GYG1: variants seen among roughly 807,000 people sequenced by gnomAD.
GYG1 encodes glycogenin 1.
In GYG1, 44 loss-of-function variants were observed where a neutral mutation model predicts 41.9. The ratio of observed to expected loss-of-function variants is 1.05; its 90% CI spans 0.83 to 1.35. The LOEUF (loss-of-function observed/expected upper bound fraction) is 1.35. GYG1 is among the 40% of genes most tolerant of loss of function. GYG1 has a pLI of 0.00. For missense variants in GYG1, 429 were observed against 418.9 expected, an observed-to-expected ratio of 1.02 and a Z score of -0.21; for synonymous variants, 141 against 158.1, an observed-to-expected ratio of 0.89 and a Z score of 0.81.
chr3:149,026,670 C>A, intron 7 of GYG1, 90 bp from the exon 8 acceptor site: 2 of 1,103,206 alleles, frequency 1.8e-6, no homozygotes, highest in Non-Finnish European at 1.4e-6. Flanking sequence ...CATGATGATT[C>A]ATCCTGGCTT....
chr3:149,004,311 G>T (rs777822259), intron 4 of GYG1, among the ~76,000 whole-genome samples: 1 of 152,182 alleles, frequency 6.6e-6, no homozygotes, highest in African/African-American at 2.4e-5. Flanking sequence ...CTAGAAGTCT[G>T]ACTAAAATGT....
chr3:148,998,903 C>T (rs1266329554), intron 4 of GYG1, among the ~76,000 whole-genome samples: 1 of 152,164 alleles, frequency 6.6e-6, no homozygotes, highest in Non-Finnish European at 1.5e-5. Flanking sequence ...TGTAATCCTG[C>T]CAGAAATTCG....
At chr3:149,010,766 G>A (rs1713680500) in intron 5 of GYG1, among the ~76,000 whole-genome samples, 1 of 152,184 alleles carries the variant, frequency 6.6e-6, no homozygotes, top group African/African-American at 2.4e-5. Context: ...TCTTGAACAG[G>A]GGACTAGCTG....
In GYG1 at chr3:149,028,392, G is replaced by C. The variant is rs1321085099; in HGVS notation, c.*1459G>C. ...CTTCTGAAACTAGCTATTTGGACTG[G>C]TGAAGAATGAGTCGCTATTGATCTT... On this transcript the variant is annotated 3_prime_UTR_variant, in exon 8 of 8. Transcript: ENST00000345003. Among the ~76,000 whole-genome samples, 2 of 152,156 alleles carry C rather than the reference G, an allele frequency of 1.3e-5. No individual in the cohort carries two copies. The highest frequency in any genetic ancestry group is 1.3e-4 in the Admixed American group (2 of 15,270).
At chr3:149,025,185 C>CA (rs1395743350) in intron 6 of GYG1, among the ~76,000 whole-genome samples, 1 of 152,202 alleles carries the variant, frequency 6.6e-6, no homozygotes, top group African/African-American at 2.4e-5. Context: ...TGGCACTAGA[C>CA]ACTGGTTTTG....
chr3:149,020,658 C>T (rs992797736), intron 5 of GYG1, among the ~76,000 whole-genome samples: 2 of 152,160 alleles, frequency 1.3e-5, no homozygotes, highest in South Asian at 4.2e-4. Flanking sequence ...GTCAAGAGAG[C>T]AGGTTAGAAA....
chr3:149,013,953 G>A (rs868128399), intron 5 of GYG1, among the ~76,000 whole-genome samples: 6 of 152,172 alleles, frequency 3.9e-5, no homozygotes, highest in South Asian at 2.1e-4. Context: ...CCTGCTGATC[G>A]TTCATTCAGT....
chr3:149,006,468 T>C (rs1044404546), intron 4 of GYG1, among the ~76,000 whole-genome samples: 9 of 152,200 alleles, frequency 5.9e-5, no homozygotes, highest in African/African-American at 1.9e-4. Context: ...CTCTATACTT[T>C]TATTATTTGA....
At chr3:149,013,450 T>C (rs1057464607) in intron 5 of GYG1, among the ~76,000 whole-genome samples, 1 of 152,140 alleles carries the variant, frequency 6.6e-6, no homozygotes, top group Non-Finnish European at 1.5e-5. Context: ...CAGAATTCTC[T>C]GGTATTTCTT....
intron 5 of GYG1, among the ~76,000 whole-genome samples, chr3:149,013,674 A>G (rs1000377479): frequency 2.0e-5 from 3 of 152,186 alleles, no homozygotes; most frequent in Non-Finnish European, 4.4e-5. Context: ...AGACTCATTC[A>G]CTAAGACCTT....
At chr3:149,024,488 A>G (rs748345324) in intron 6 of GYG1, among the ~76,000 whole-genome samples, 7 of 151,344 alleles carry the variant, frequency 4.6e-5, no homozygotes, top group Admixed American at 4.6e-4. Context: ...GAACACAGTT[A>G]TTTAGAATTT....
intron 5 of GYG1, among the ~76,000 whole-genome samples, chr3:149,017,399 CTT>C (rs67169823): frequency 5.5e-5 from 8 of 144,590 alleles, no homozygotes; most frequent in Admixed American, 7.0e-5. Context: ...TGTACTCAAC[CTT>C]TTTTTTTTTT....
rs1714743494 is a variant in GYG1 at position 149,027,966 on chromosome 3, T to C, written c.*1033T>C. Among the ~76,000 whole-genome samples the C allele has an allele frequency of 6.6e-6, 1 of 152,232 alleles. No homozygotes were observed. Reference sequence around the variant, plus strand: ...AATCAATACTGGGTCCAGTCCCTACTAGTATTTTATCTATGATTTAAAATG... The same window carrying C: ...AATCAATACTGGGTCCAGTCCCTACCAGTATTTTATCTATGATTTAAAATG... On this transcript the variant is annotated 3_prime_UTR_variant, in exon 8 of 8. Coordinates refer to ENST00000345003, the MANE Select transcript of GYG1 (RefSeq NM_004130.4).
At chr3:149,016,987 G>A (rs879648675) in intron 5 of GYG1, among the ~76,000 whole-genome samples, 20 of 152,222 alleles carry the variant, frequency 1.3e-4, no homozygotes, top group Non-Finnish European at 2.5e-4. Context: ...CACAAGCAGT[G>A]CCGTCTTTCT....
At chr3:149,003,663 A>ATTCTGTAGG (rs1713233419) in intron 4 of GYG1, among the ~76,000 whole-genome samples, 1 of 152,132 alleles carries the variant, frequency 6.6e-6, no homozygotes, top group African/African-American at 2.4e-5. Context: ...GTGGCTTCTG[A>ATTCTGTAGG]TTCTGTAGGT....
At position 149,026,922 on chromosome 3, in the gene GYG1, T is replaced by C; in HGVS notation, c.1042T>C (p.Tyr348His). ...CAACATCAAGAGGAAACTTGACACT[T>C]ACCTCCAGTAGAAACACTGCATTTT... ...FDNIKRKLDT[Y>H]LQ The change falls in exon 8 of 8, where the codon TAC becomes CAC. Residue 348 changes from tyrosine (Y) to histidine (H), a missense_variant. Transcript: ENST00000345003. 6.2e-7 allele frequency: 1 copy of C among 1,613,706 alleles called. No individual in the cohort carries two copies. Among genetic ancestry groups the C allele is most frequent in the South Asian group, 1.1e-5 (1 of 91,080 alleles).
Position 148,994,285 on chromosome 3 carries a change from C to A in GYG1, c.143+8C>A, listed in dbSNP as rs374705256. ...GGTCTCAGACTCCATGAGGTGAGGA[C>A]CTCGCTGCCACCCCAGCATCCAAGG... On this transcript the variant is annotated splice_region_variant and intron_variant, in intron 2 of 7. Coordinates refer to ENST00000345003, the MANE Select transcript of GYG1 (RefSeq NM_004130.4). 1.2e-6 allele frequency: 2 copies of A among 1,613,722 alleles called. No homozygotes were observed. Among genetic ancestry groups the A allele is most frequent in the Admixed American group, 1.7e-5 (1 of 59,998 alleles).
chr3:149,010,715 C>T (rs184463822), intron 5 of GYG1, among the ~76,000 whole-genome samples: 1 of 152,284 alleles, frequency 6.6e-6, no homozygotes, highest in African/African-American at 2.4e-5. Context: ...ATTATTTAGC[C>T]TCTGACTCAT....
chr3:148,996,492 AG>A lies in GYG1; in HGVS notation c.318+19del, dbSNP rs1195369556. 1.2e-6 allele frequency: 2 copies of A among 1,604,302 alleles called. No homozygotes were observed. The stretch of plus-strand genomic sequence containing the variant: ...AGATACTCTGGTGAGTGTGGCTTTG[AG>A]GGTAGAAAAGAAAGACATATATATA... On this transcript the variant is annotated intron_variant, in intron 3 of 7. Coordinates refer to ENST00000345003, the MANE Select transcript of GYG1 (RefSeq NM_004130.4).
Sources: allele counts gnomAD v4.1 joint callset (sites outside exome capture counted in the v4.1 genomes callset), GRCh38; gene constraint gnomAD v4.1.1; transcripts MANE v1.5; gene names NCBI Gene and HGNC (gene_info 2026-07-23, HGNC 2026-07-21).